Variants in DDX60L observed in about 807,000 individuals in gnomAD.
DDX60L encodes the protein DExD/H-box 60 like.
DDX60L carries 191 observed loss-of-function variants against 211.6 expected under a neutral mutation model. The ratio of observed to expected loss-of-function variants is 0.90; its 90% CI spans 0.80 to 1.02. The LOEUF (loss-of-function observed/expected upper bound fraction) is 1.02. Among genes scored for constraint, DDX60L ranks in the 50% least tolerant of loss-of-function variants. The pLI is 0.00. For missense variants in DDX60L, 2,007 were observed against 1,984.1 expected, an observed-to-expected ratio of 1.01 and a Z score of -0.22; for synonymous variants, 706 against 694.1, an observed-to-expected ratio of 1.02 and a Z score of -0.27.
intron 1 of DDX60L, among the ~76,000 whole-genome samples, chr4:168,479,321 T>C (rs1040990928): frequency 8.5e-5 from 13 of 152,250 alleles, no homozygotes; most frequent in African/African-American, 2.9e-4. Context: ...TCTCAGCACC[T>C]GAGTTCCACC....
At chr4:168,409,656 A>G (rs927245386) in intron 22 of DDX60L, among the ~76,000 whole-genome samples, 1 of 152,198 alleles carries the variant, frequency 6.6e-6, no homozygotes, top group Non-Finnish European at 1.5e-5. Flanking sequence ...TGGAAGACAG[A>G]ATCACTTTAA....
chr4:168,464,630 AATGCATAATG>A (rs995935652), intron 4 of DDX60L, among the ~76,000 whole-genome samples: 2 of 152,056 alleles, frequency 1.3e-5, no homozygotes, highest in African/African-American at 4.8e-5. Flanking sequence ...ATATGTATAC[AATGCATAATG>A]ATCAAATCAG....
At chr4:168,437,002 A>C (rs1477715278) in intron 10 of DDX60L, among the ~76,000 whole-genome samples, 2 of 152,178 alleles carry the variant, frequency 1.3e-5, no homozygotes, top group Admixed American at 6.5e-5. Flanking sequence ...AGAATACAGG[A>C]GATCCCTTAA....
In DDX60L at chr4:168,400,872, CA is replaced by C. The variant is rs1560992361; in HGVS notation, c.3444del (p.Phe1148LeufsTer3). ...HPHTECHSYV[F>X]AIDEVLEKVR... ...ACTTTTTCAAGTACTTCATCTATTG[CA>C]AAGACATAACTATGACATTCAGTGT... On this transcript the variant is annotated frameshift_variant, in exon 26 of 38. Transcript: ENST00000682922. LOFTEE classifies it high-confidence loss of function. 1 of 1,613,462 alleles carries C rather than the reference CA, an allele frequency of 6.2e-7. No individual in the cohort carries two copies. Among genetic ancestry groups the C allele is most frequent in the East Asian group, 2.2e-5 (1 of 44,862 alleles).
chr4:168,428,860 AT>A (rs1475511052), intron 13 of DDX60L, among the ~76,000 whole-genome samples: 1 of 151,978 alleles, frequency 6.6e-6, no homozygotes, highest in Non-Finnish European at 1.5e-5. Context: ...ATCTTTTTAA[AT>A]TTTTTTTGAA....
At position 168,396,024 on chromosome 4, in the gene DDX60L, A is replaced by G. The variant is rs1489605450; in HGVS notation, c.3592T>C (p.Ser1198Pro). Residue 1198 changes from serine to proline, a missense_variant, in exon 27 of 38, where the codon TCT becomes CCT. By Grantham distance (74) the Ser-to-Pro change is moderately conservative. Transcript: ENST00000682922. ...FLENLKILEI[S>P]EDCTYADVKA... ...ACATCAGCATACGTGCAGTCCTCAG[A>G]AATTTCCAGAATCTTCAGATTCTCC... is the stretch of plus-strand genomic sequence containing the variant. 6.2e-7 allele frequency: 1 copy of G among 1,611,516 alleles called. No individual in the cohort carries two copies. Among genetic ancestry groups the G allele is most frequent in the Non-Finnish European group, 8.5e-7 (1 of 1,178,078 alleles).
In DDX60L at chr4:168,405,991, C is replaced by G; in HGVS notation, c.3172G>C (p.Ala1058Pro). The G allele has an allele frequency of 6.3e-7, 1 of 1,596,444 alleles. No homozygotes were observed. The highest frequency in any genetic ancestry group is 8.5e-7 in the Non-Finnish European group (1 of 1,172,316). ...TTTTTAATCCAATTTGTCAATTCTG[C>G]CTTTAAGTTTTCTTCATATTTTCTA... ...DARKYEENLKAELTNWIKNGQ... is the reference protein window; with the variant it reads ...DARKYEENLKPELTNWIKNGQ... Residue 1058 changes from alanine to proline, a missense_variant, in exon 24 of 38, where the codon GCA becomes CCA. Physicochemically the swap from Ala to Pro is conservative, Grantham distance 27. Coordinates refer to ENST00000682922, the MANE Select transcript of DDX60L (RefSeq NM_001012967.3).
At chr4:168,432,983 A>C in intron 11 of DDX60L, 27 bp downstream of exon 11, 1 of 1,459,326 alleles carries the variant, frequency 6.9e-7, no homozygotes, top group Non-Finnish European at 9.5e-7. Context: ...TGATGGCACT[A>C]AATCAGGTAC....
chr4:168,396,155 AGTAATG>A, intron 26 of DDX60L, 31 bp from the exon 27 acceptor site: 4 of 1,289,150 alleles, frequency 3.1e-6, no homozygotes, highest in Non-Finnish European at 4.2e-6. Context: ...AAAACTTTTA[AGTAATG>A]AAAACTCATA....
Position 168,456,099 on chromosome 4 carries a change from G to C in DDX60L, c.777C>G (p.Ile259Met). 6.3e-7 allele frequency: 1 copy of C among 1,595,558 alleles called. No homozygotes were observed. The highest frequency in any genetic ancestry group is 1.4e-5 in the African/African-American group (1 of 73,978). The part of the protein sequence containing the change: ...LQHLWSEGSD[I>M]QRVLCVTSCS... ...ATGAAGTGACACAGAGAACACGCTG[G>C]ATGTCCGATCCTTCTGACCATAGGT... is the stretch of plus-strand genomic sequence containing the variant. Residue 259 changes from isoleucine (I) to methionine (M), a missense_variant, in exon 7 of 38, where the codon ATC (isoleucine) becomes ATG (methionine). Ile to Met is a conservative substitution (Grantham distance 10). Transcript: ENST00000682922.
chr4:168,443,812 C>T (rs1159826600), intron 9 of DDX60L, among the ~76,000 whole-genome samples: 3 of 151,514 alleles, frequency 2.0e-5, no homozygotes, highest in Admixed American at 6.6e-5. Flanking sequence ...AAATACTTTA[C>T]AGACAAGCAA....
In DDX60L at chr4:168,430,514, CT is replaced by C; in HGVS notation, c.1640del (p.Lys547ArgfsTer51). On this transcript the variant is annotated frameshift_variant, in exon 13 of 38. Coordinates refer to ENST00000682922, the MANE Select transcript of DDX60L (RefSeq NM_001012967.3). LOFTEE classifies it high-confidence loss of function. ...CACCACTGGCACCACTGGAATCCTC[CT>C]TTGGCCGAGTAGTTTGAGTCACAAT... The part of the protein sequence containing the change: ...KVIVTQTTRP[K>X]EDSSGASGEI... 6.2e-7 allele frequency: 1 copy of C among 1,609,030 alleles called. No homozygotes were observed. Among genetic ancestry groups the C allele is most frequent in the Non-Finnish European group, 8.5e-7 (1 of 1,178,154 alleles).
At position 168,420,282 on chromosome 4, in the gene DDX60L, A is replaced by G. The variant is rs1363249883; in HGVS notation, c.2493T>C (p.Cys831=). ...TLCGAFTRDY[C]HNVLNCQVLI... is the part of the protein sequence containing the mutation. The stretch of plus-strand genomic sequence containing the variant: ...ATACCTGACAGTTTAGTACATTGTG[A>G]CAATAATCTCTTGTAAAAGCACCGC... The change falls in exon 18 of 38, where the codon TGT becomes TGC. Residue 831 remains cysteine (C), a synonymous_variant. Coordinates refer to ENST00000682922, the MANE Select transcript of DDX60L (RefSeq NM_001012967.3). 5 of 1,602,966 alleles carry G rather than the reference A, an allele frequency of 3.1e-6. No homozygotes were observed. The Admixed American group carries it at 8.7e-5, about 28-fold the overall frequency.
At chr4:168,395,915 A>G (rs774945549) in intron 27 of DDX60L, 44 bp downstream of exon 27, 7 of 1,311,256 alleles carry the variant, frequency 5.3e-6, no homozygotes, top group Non-Finnish European at 7.5e-6. Flanking sequence ...CTATGATAAA[A>G]TGTCACAACT....
Position 168,373,772 on chromosome 4 carries a change from A to G in DDX60L, c.4670T>C (p.Val1557Ala). Residue 1557 changes from valine (V) to alanine (A), a missense_variant, in exon 35 of 38, where the codon GTG becomes GCG. Transcript: ENST00000682922. ...TTTCTTGCAGCTCATCAAGTGAGAC[A>G]CGAGTTGGGAGTCTTCACATTCTTT... ...TGKECEDSQL[V>A]SHLMSCKKGR... 1 of 1,614,080 alleles carries G rather than the reference A, an allele frequency of 6.2e-7. No homozygotes were observed. Among genetic ancestry groups the G allele is most frequent in the Middle Eastern group, 1.7e-4 (1 of 6,060 alleles).
At chr4:168,449,650 TGC>T (rs1561098554) in intron 8 of DDX60L, among the ~76,000 whole-genome samples, 5 of 6,936 alleles carry the variant, frequency 7.2e-4, no homozygotes, top group African/African-American at 8.6e-4. Context: ...AAAAAAAAAA[TGC>T]AAAAAAAAAA....
intron 19 of DDX60L, among the ~76,000 whole-genome samples, chr4:168,418,513 A>C (rs1022623163): frequency 6.6e-6 from 1 of 152,248 alleles, no homozygotes; most frequent in African/African-American, 2.4e-5. Context: ...CACACAATAC[A>C]GCCTGATGCA....
chr4:168,478,589 A>G (rs1193421557), intron 1 of DDX60L, among the ~76,000 whole-genome samples: 1 of 152,210 alleles, frequency 6.6e-6, no homozygotes, highest in African/African-American at 2.4e-5. Context: ...CAGCAGGGAA[A>G]ACCACAGAGA....
At chr4:168,365,548 A>G (rs868137621) in intron 36 of DDX60L, among the ~76,000 whole-genome samples, 4 of 151,864 alleles carry the variant, frequency 2.6e-5, no homozygotes, top group African/African-American at 9.7e-5. Flanking sequence ...TCAGAAAAAA[A>G]AAAAAGCCCA....
Sources: allele counts gnomAD v4.1 joint callset (sites outside exome capture counted in the v4.1 genomes callset), GRCh38; gene constraint gnomAD v4.1.1; transcripts MANE v1.5; gene names NCBI Gene and HGNC (gene_info 2026-07-23, HGNC 2026-07-21).